The following MAPRE1 variants were observed in gnomAD, a reference collection of about 807,000 sequenced individuals.
MAPRE1 encodes microtubule associated protein RP/EB family member 1.
A neutral mutation model predicts 32.1 loss-of-function variants in MAPRE1; 5 were observed. That is an observed-to-expected ratio of 0.16 (90% CI 0.08 to 0.33). The LOEUF (loss-of-function observed/expected upper bound fraction) is 0.33, where lower values mean the gene tolerates loss of function less well. MAPRE1 is among the 10% of genes least tolerant of loss of function. MAPRE1 has a pLI of 1.00. For synonymous variants in MAPRE1, 122 were observed against 118.9 expected, an observed-to-expected ratio of 1.03 and a Z score of -0.17; for missense variants, 209 against 327.2, an observed-to-expected ratio of 0.64 and a Z score of 2.79.
chr20:32,848,600 AGTAT>A, intron 6 of MAPRE1, 68 bp from the exon 7 acceptor site: 4 of 1,161,086 alleles, frequency 3.4e-6, no homozygotes, highest in Non-Finnish European at 5.1e-6. Flanking sequence ...AGAGGCTGTA[AGTAT>A]GAGGAAAGTG....
chr20:32,850,126 T>G lies in MAPRE1; in HGVS notation c.*1398T>G, dbSNP rs1983605876. The G allele has an allele frequency of 6.6e-6, 1 of 152,598 alleles. No individual in the cohort carries two copies. The highest frequency in any genetic ancestry group is 6.5e-5 in the Admixed American group (1 of 15,274). The allele number at this position is 152,598 out of a possible 1,614,324, so 9.5% of individuals were successfully genotyped here. A position where few individuals can be genotyped will look rare whatever the true frequency, so the allele number is the denominator to read the frequency against. On this transcript the variant is annotated 3_prime_UTR_variant, in exon 7 of 7. Transcript: ENST00000375571. ...TCTGGTGGTAGCTTGTCCTGAAATG[T>G]GTGTAGAAAGCAAGTATTTTATGAT... is the stretch of plus-strand genomic sequence containing the variant.
At chr20:32,841,344 T>C (rs1983353963) in intron 5 of MAPRE1, among the ~76,000 whole-genome samples, 1 of 152,182 alleles carries the variant, frequency 6.6e-6, no homozygotes, top group Non-Finnish European at 1.5e-5. Flanking sequence ...CAGAAAGAAA[T>C]ACGAGAGAGT....
rs373103088 is a variant in MAPRE1 at position 32,836,889 on chromosome 20, T to C, written c.475+48T>C. ...TTTCCAAAAAATAGCGTTCCAGATA[T>C]TCATTCAGCGTTCAACTAGAATTTT... On this transcript the variant is annotated intron_variant, in intron 4 of 6. Coordinates refer to ENST00000375571, the MANE Select transcript of MAPRE1 (RefSeq NM_012325.3). The C allele has an allele frequency of 2.8e-5, 43 of 1,520,614 alleles. No homozygotes were observed. The African/African-American group carries it at 5.3e-4, about 19-fold the overall frequency. The allele number at this position is 1,520,614 out of a possible 1,614,324, so 94.2% of individuals were successfully genotyped here.
chr20:32,847,284 A>G (rs1432714687), intron 6 of MAPRE1, among the ~76,000 whole-genome samples: 1 of 152,194 alleles, frequency 6.6e-6, no homozygotes, highest in East Asian at 1.9e-4. Flanking sequence ...CTTTGGATCC[A>G]TGTTTATTGC....
intron 1 of MAPRE1, 111 bp from the exon 2 acceptor site, chr20:32,825,808 ATAAAAT>A (rs1982829691): frequency 1.4e-6 from 1 of 715,394 alleles, no homozygotes; most frequent in Non-Finnish European, 2.1e-6. Flanking sequence ...ATAAAATAAA[ATAAAAT>A]AAAATTGAGT....
At position 32,848,698 on chromosome 20, in the gene MAPRE1, G is replaced by A. The variant is rs184645391; in HGVS notation, c.777G>A (p.Gly259=). 6.2e-7 allele frequency: 1 copy of A among 1,613,068 alleles called. No individual in the cohort carries two copies. Among genetic ancestry groups the A allele is most frequent in the Non-Finnish European group, 8.5e-7 (1 of 1,179,538 alleles). ...TDEGFVIPDE[G]GPQEEQEEY ...AAGGCTTTGTGATACCTGATGAAGG[G>A]GGCCCACAGGAGGAGCAAGAAGAGT... Residue 259 remains glycine, a synonymous_variant, in exon 7 of 7, where the codon GGG becomes GGA. Transcript: ENST00000375571.
At chr20:32,837,801 T>C (rs932165045) in intron 4 of MAPRE1, among the ~76,000 whole-genome samples, 1 of 152,206 alleles carries the variant, frequency 6.6e-6, no homozygotes, top group Non-Finnish European at 1.5e-5. Flanking sequence ...AGAAACCCTG[T>C]GCTGGGCGCA....
chr20:32,828,080 A>G (rs1982916748), intron 2 of MAPRE1, among the ~76,000 whole-genome samples: 1 of 152,044 alleles, frequency 6.6e-6, no homozygotes, highest in African/African-American at 2.4e-5. Flanking sequence ...GATGGAGGCT[A>G]CGTGTGAAGC....
intron 6 of MAPRE1, among the ~76,000 whole-genome samples, chr20:32,847,008 C>T (rs1983522576): frequency 6.6e-6 from 1 of 152,192 alleles, no homozygotes; most frequent in Non-Finnish European, 1.5e-5. Flanking sequence ...TAGTATGTGG[C>T]CACTGATAGG....
intron 1 of MAPRE1, among the ~76,000 whole-genome samples, chr20:32,822,029 A>C (rs1982717537): frequency 6.6e-6 from 1 of 151,558 alleles, no homozygotes; most frequent in Non-Finnish European, 1.5e-5. Context: ...GTGGATGTTC[A>C]TTGTACATCC....
chr20:32,825,730 A>C (rs1016132366), intron 1 of MAPRE1, among the ~76,000 whole-genome samples, 195 bp from the exon 2 acceptor site: 1 of 152,070 alleles, frequency 6.6e-6, no homozygotes, highest in African/African-American at 2.4e-5. Context: ...GGGAGGTTGC[A>C]GTTGAGTCGA....
At chr20:32,825,496 A>AAGTGACTTTTT (rs1331372901) in intron 1 of MAPRE1, among the ~76,000 whole-genome samples, 27 of 152,102 alleles carry the variant, frequency 1.8e-4, no homozygotes, top group African/African-American at 6.3e-4. Context: ...GTGAGGCTTA[A>AAGTGACTTTTT]AAAGTCAATG....
chr20:32,825,731 G>C (rs891665091), intron 1 of MAPRE1, among the ~76,000 whole-genome samples, 194 bp from the exon 2 acceptor site: 1 of 152,016 alleles, frequency 6.6e-6, no homozygotes, highest in African/African-American at 2.4e-5. Context: ...GGAGGTTGCA[G>C]TTGAGTCGAG....
In MAPRE1 at chr20:32,826,969, G is replaced by A. The variant is rs998196534; in HGVS notation, c.121+921G>A. On this transcript the variant is annotated intron_variant, in intron 2 of 6. Coordinates refer to ENST00000375571, the MANE Select transcript of MAPRE1 (RefSeq NM_012325.3). ...CATGTTTTATTTGAGGACAGTAATTGTATTAACTACTGTCTGCTGTTCTAG... is the reference window on the plus strand; with the variant it reads ...CATGTTTTATTTGAGGACAGTAATTATATTAACTACTGTCTGCTGTTCTAG... 5.9e-5 allele frequency among the ~76,000 whole-genome samples: 9 copies of A among 152,294 alleles called. No individual in the cohort carries two copies. The South Asian group carries it at 1.9e-3, about 32-fold the overall frequency.
At chr20:32,833,885 T>C in intron 3 of MAPRE1, 23 bp downstream of exon 3, 1 of 1,600,204 alleles carries the variant, frequency 6.2e-7, no homozygotes, top group South Asian at 1.1e-5. Context: ...TATCTTTTAT[T>C]GTGGTTAATG....
intron 1 of MAPRE1, among the ~76,000 whole-genome samples, 195 bp from the exon 2 acceptor site, chr20:32,825,730 A>G (rs1016132366): frequency 6.6e-6 from 1 of 152,188 alleles, no homozygotes; most frequent in African/African-American, 2.4e-5. Context: ...GGGAGGTTGC[A>G]GTTGAGTCGA....
chr20:32,833,811 C>T lies in MAPRE1; in HGVS notation c.216C>T (p.Ile72=). 6.2e-7 allele frequency: 1 copy of T among 1,613,884 alleles called. No individual in the cohort carries two copies. The highest frequency in any genetic ancestry group is 1.3e-5 in the African/African-American group (1 of 75,006). ...AAGCTAAGCTAGAACACGAGTACAT[C>T]CAGAACTTCAAAATACTACAAGCAG... The part of the protein sequence containing the change: ...KFQAKLEHEY[I]QNFKILQAGF... The change falls in exon 3 of 7, where the codon ATC becomes ATT. Residue 72 remains isoleucine (I), a synonymous_variant. Coordinates refer to ENST00000375571, the MANE Select transcript of MAPRE1 (RefSeq NM_012325.3).
chr20:32,845,038 T>C (rs1409131508), intron 5 of MAPRE1, among the ~76,000 whole-genome samples: 3 of 151,524 alleles, frequency 2.0e-5, no homozygotes, highest in Non-Finnish European at 4.4e-5. Flanking sequence ...TATGTATGAA[T>C]GAATGAATGA....
At chr20:32,846,798 T>C (rs1388231045) in intron 6 of MAPRE1, 28 bp downstream of exon 6, 2 of 1,611,316 alleles carry the variant, frequency 1.2e-6, no homozygotes, top group East Asian at 4.5e-5. Flanking sequence ...GGATATTTTC[T>C]TTCCATTTTA....
Sources: gnomAD v4.1 joint callset for allele counts (sites outside exome capture counted in the v4.1 genomes callset) on GRCh38, gnomAD v4.1.1 for gene constraint, MANE v1.5 for transcripts, NCBI Gene and HGNC (gene_info 2026-07-23, HGNC 2026-07-21) for gene names.